The following WDR7 variants were observed in gnomAD, a reference collection of about 807,000 sequenced individuals.
WDR7 encodes WD repeat-containing protein 7.
In WDR7, 46 loss-of-function variants were observed where a neutral mutation model predicts 169.4. The ratio of observed to expected loss-of-function variants is 0.27; its 90% CI spans 0.21 to 0.35. The LOEUF (loss-of-function observed/expected upper bound fraction) is 0.35. Among genes scored for constraint, WDR7 ranks in the 10% least tolerant of loss-of-function variants. The pLI is 1.00. For missense variants in WDR7, 1,534 were observed against 1,859.3 expected, an observed-to-expected ratio of 0.83 and a Z score of 3.22; for synonymous variants, 612 against 666.8, an observed-to-expected ratio of 0.92 and a Z score of 1.27.
chr18:56,758,351 C>T (rs994321849), intron 15 of WDR7, among the ~76,000 whole-genome samples: 9 of 152,072 alleles, frequency 5.9e-5, no homozygotes, highest in Admixed American at 4.6e-4. Flanking sequence ...CCTTTTATTA[C>T]GGAGAACAAA....
intron 13 of WDR7, among the ~76,000 whole-genome samples, chr18:56,718,524 A>C (rs1004117133): frequency 1.3e-5 from 2 of 152,334 alleles, no homozygotes; most frequent in East Asian, 3.9e-4. Flanking sequence ...TGAACAGCAG[A>C]AAAGCAATGC....
chr18:56,838,711 C>A (rs996112091), intron 20 of WDR7, among the ~76,000 whole-genome samples: 1 of 152,120 alleles, frequency 6.6e-6, no homozygotes, highest in South Asian at 2.1e-4. Flanking sequence ...GGAATTAGAA[C>A]TGAGTGATGT....
At chr18:56,774,048 A>G (rs914376509) in intron 16 of WDR7, among the ~76,000 whole-genome samples, 1 of 151,884 alleles carries the variant, frequency 6.6e-6, no homozygotes, top group African/African-American at 2.4e-5. Flanking sequence ...ATTTTTTTGT[A>G]CTTTAAAAAT....
At chr18:56,888,261 T>C (rs1267175173) in intron 21 of WDR7, among the ~76,000 whole-genome samples, 1 of 152,228 alleles carries the variant, frequency 6.6e-6, no homozygotes, top group African/African-American at 2.4e-5. Context: ...TTATGGGAGT[T>C]ACACTTTACA....
At chr18:56,926,766 A>G (rs979927860) in intron 22 of WDR7, among the ~76,000 whole-genome samples, 2 of 152,212 alleles carry the variant, frequency 1.3e-5, no homozygotes, top group Middle Eastern at 3.2e-3. Context: ...ATCATGATAA[A>G]TTGCATAATA....
intron 25 of WDR7, among the ~76,000 whole-genome samples, chr18:56,943,412 C>A (rs1474826590): frequency 6.6e-6 from 1 of 151,716 alleles, no homozygotes; most frequent in Non-Finnish European, 1.5e-5. Context: ...AGACTAACCT[C>A]TTTAATGTTG....
rs542076055 is a variant in WDR7 at position 56,749,325 on chromosome 18, G to C, written c.1990-7258G>C. ...AAAACAGCATACTAACATTTGTCAAGTGTTTTTTGTTTTCCATTTCAAGAC... is the reference window on the plus strand; with the variant it reads ...AAAACAGCATACTAACATTTGTCAACTGTTTTTTGTTTTCCATTTCAAGAC... On this transcript the variant is annotated intron_variant, in intron 14 of 27. Coordinates refer to ENST00000254442, the MANE Select transcript of WDR7 (RefSeq NM_015285.3). Among the ~76,000 whole-genome samples, 701 of 151,804 alleles carry C rather than the reference G, an allele frequency of 4.6e-3. 8 individuals are homozygous for C. The highest frequency in any genetic ancestry group is 0.015 in the African/African-American group (629 of 41,448).
At chr18:56,996,657 G>C (rs1244734858) in intron 26 of WDR7, among the ~76,000 whole-genome samples, 2 of 152,162 alleles carry the variant, frequency 1.3e-5, no homozygotes, top group African/African-American at 2.4e-5. Flanking sequence ...GAGGCAGTTA[G>C]TCTAATAGAA....
chr18:56,796,035 A>AT (rs972121769), intron 19 of WDR7, among the ~76,000 whole-genome samples: 44 of 152,304 alleles, frequency 2.9e-4, no homozygotes, highest in African/African-American at 9.1e-4. Context: ...TCGAAGGTTA[A>AT]TTTTTTTACC....
chr18:56,754,606 G>A lies in WDR7; in HGVS notation c.1990-1977G>A, dbSNP rs1281332148. Among the ~76,000 whole-genome samples, 5 of 152,054 alleles carry A rather than the reference G, an allele frequency of 3.3e-5. 1 individual carries two copies. In the East Asian group the frequency reaches 5.8e-4, roughly 18 times the overall value. ...TTCATCTCACTTAAAATTCGACTATGGGTATTTTTCTACATGGTTAGATGT... is the reference window on the plus strand; with the variant it reads ...TTCATCTCACTTAAAATTCGACTATAGGTATTTTTCTACATGGTTAGATGT... On this transcript the variant is annotated intron_variant, in intron 14 of 27. Transcript: ENST00000254442.
chr18:56,746,670 C>T (rs1427780827), intron 14 of WDR7, among the ~76,000 whole-genome samples: 1 of 152,170 alleles, frequency 6.6e-6, no homozygotes, highest in Non-Finnish European at 1.5e-5. Context: ...GATCCTCTGG[C>T]ACTTGGATTA....
At chr18:56,893,843 G>A (rs2046296707) in intron 21 of WDR7, among the ~76,000 whole-genome samples, 1 of 152,078 alleles carries the variant, frequency 6.6e-6, no homozygotes, top group Admixed American at 6.6e-5. Context: ...AGAAGTTGGT[G>A]TTTGACATCA....
chr18:57,022,924 A>G (rs2048310968), intron 27 of WDR7, among the ~76,000 whole-genome samples: 1 of 152,330 alleles, frequency 6.6e-6, no homozygotes, highest in East Asian at 1.9e-4. Flanking sequence ...GCTGCAGTAC[A>G]TGTCCTTAAT....
At chr18:56,748,949 T>C (rs554220988) in intron 14 of WDR7, among the ~76,000 whole-genome samples, 6 of 151,930 alleles carry the variant, frequency 3.9e-5, no homozygotes, top group African/African-American at 9.6e-5. Flanking sequence ...CCTTTCTCCT[T>C]CTTCCTTCCT....
chr18:56,962,345 T>G, intron 25 of WDR7, 85 bp from the exon 26 acceptor site: 1 of 980,574 alleles, frequency 1.0e-6, no homozygotes, highest in Non-Finnish European at 1.6e-6. Flanking sequence ...GCTTTAACCT[T>G]TGAAATGTTG....
intron 26 of WDR7, among the ~76,000 whole-genome samples, chr18:56,981,929 T>C (rs990488963): frequency 6.6e-6 from 1 of 152,160 alleles, no homozygotes; most frequent in African/African-American, 2.4e-5. Context: ...TGACCCATGG[T>C]TTACCAAGGT....
At chr18:56,731,634 C>T (rs770998478) in intron 14 of WDR7, 37 bp downstream of exon 14, 4 of 1,522,764 alleles carry the variant, frequency 2.6e-6, no homozygotes, top group South Asian at 1.2e-5. Flanking sequence ...GTGTGTAGAC[C>T]CCATTTAACT....
chr18:56,757,061 G>A lies in WDR7; in HGVS notation c.2468G>A (p.Arg823His), dbSNP rs374461079. The A allele has an allele frequency of 6.8e-5, 110 of 1,613,976 alleles. No homozygotes were observed. The highest frequency in any genetic ancestry group is 8.2e-5 in the Non-Finnish European group (97 of 1,180,008). ...NEVLDEVCLDRLGMLKPHCTV... is the reference protein window; with the variant it reads ...NEVLDEVCLDHLGMLKPHCTV... ...GTACTGGATGAAGTTTGCCTGGATC[G>A]CCTTGGAATGCTGAAACCCCACTGC... is the stretch of plus-strand genomic sequence containing the variant. Residue 823 changes from arginine to histidine, a missense_variant, in exon 15 of 28, where the codon CGC becomes CAC. Coordinates refer to ENST00000254442, the MANE Select transcript of WDR7 (RefSeq NM_015285.3).
intron 26 of WDR7, among the ~76,000 whole-genome samples, chr18:57,014,650 T>A (rs1203909736): frequency 6.7e-6 from 1 of 148,270 alleles, no homozygotes; most frequent in Non-Finnish European, 1.5e-5. Context: ...AGAGTAAAAC[T>A]CTGTCTCAAA....
Sources: gnomAD v4.1 joint callset for allele counts (sites outside exome capture counted in the v4.1 genomes callset) on GRCh38, gnomAD v4.1.1 for gene constraint, MANE v1.5 for transcripts, NCBI Gene and HGNC (gene_info 2026-07-23, HGNC 2026-07-21) for gene names.